NR6A1: variants seen among roughly 807,000 people sequenced by gnomAD.
NR6A1 encodes the protein retinoic acid receptor-related testis-associated receptor.
In NR6A1, 7 loss-of-function variants were observed where a neutral mutation model predicts 59.1. The observed-to-expected ratio is 0.12, with a 90% CI of 0.07 to 0.22. NR6A1 has a LOEUF of 0.22. Ranked by LOEUF, NR6A1 falls within the 10% of genes least tolerant of loss-of-function variation. The pLI, the probability that NR6A1 is intolerant of heterozygous loss-of-function variation, is 1.00. For missense variants in NR6A1, 468 were observed against 611.6 expected (o/e 0.77, Z 2.48); for synonymous variants, 243 against 236.1 (o/e 1.03, Z -0.27).
rs571174941 is a variant in NR6A1, at chr9:124,734,931, G to A, written c.101-1582C>T. Among the ~76,000 whole-genome samples the A allele has an allele frequency of 3.3e-5, 5 of 152,170 alleles. No individual in the cohort carries two copies. The East Asian group carries it at 7.8e-4, about 24-fold the overall frequency. On this transcript the variant is annotated intron_variant, in intron 1 of 9. Coordinates refer to ENST00000487099, the MANE Select transcript of NR6A1 (RefSeq NM_033334.4). The stretch of plus-strand genomic sequence containing the variant: ...AATCTCAGCTCACTGCAACCTCCGC[G>A]CCTCCTGGTTTCAAGCGATTCTCCT...
chr9:124,521,153 T>C lies in NR6A1; in HGVS notation c.*1552A>G, dbSNP rs1832793779. On this transcript the variant is annotated 3_prime_UTR_variant, in exon 10 of 10. Transcript: ENST00000487099. ...CAACTAAGTGGTCTGCTTGCCACAC[T>C]GGCTGTGAAAGATACCTGGGTGTAG... The C allele has an allele frequency of 6.6e-6, 1 of 152,274 alleles. No individual in the cohort carries two copies. Among genetic ancestry groups the C allele is most frequent in the African/African-American group, 2.4e-5 (1 of 41,452 alleles). 9.4% of individuals were successfully genotyped at this position (152,274 alleles called of 1,614,324 possible).
At position 124,630,670 on chromosome 9, in the gene NR6A1, C is replaced by CTTTTTTTTT. The variant is rs71372980; in HGVS notation, c.143-76109_143-76101dup. 2.2e-3 allele frequency among the ~76,000 whole-genome samples: 130 copies of CTTTTTTTTT among 59,522 alleles called. 10 individuals carry two copies. Among genetic ancestry groups the CTTTTTTTTT allele is most frequent in the African/African-American group, 8.1e-3 (112 of 13,868 alleles). The allele number at this position is 59,522 out of a possible 152,430, so 39.0% of individuals were successfully genotyped here. A position where few individuals can be genotyped will look rare whatever the true frequency, so the allele number is the denominator to read the frequency against. ...GACCCCTGGGCAAGTTACTACATTT[C>CTTTTTTTTT]TTTTTTTTTTTTTTTTTTTTTTTTT... On this transcript the variant is annotated intron_variant, in intron 2 of 9. Transcript: ENST00000487099.
At chr9:124,629,028 A>C (rs1009346269) in intron 2 of NR6A1, among the ~76,000 whole-genome samples, 1 of 152,226 alleles carries the variant, frequency 6.6e-6, no homozygotes, top group Admixed American at 6.5e-5. Flanking sequence ...TGACACGTCA[A>C]GCCAAAGACA....
At position 124,536,631 on chromosome 9, in the gene NR6A1, C is replaced by G. The variant is rs549294851; in HGVS notation, c.825-499G>C. 1.2e-3 allele frequency among the ~76,000 whole-genome samples: 175 copies of G among 150,582 alleles called. 1 individual carries two copies. Among genetic ancestry groups the G allele is most frequent in the African/African-American group, 3.9e-3 (159 of 40,842 alleles). On this transcript the variant is annotated intron_variant, in intron 6 of 9. Transcript: ENST00000487099. ...AGTGAGCTGAGATTGCGCTAATGCA[C>G]TTCAGCCTGGGTGACAGAGCAAGAC...
intron 2 of NR6A1, among the ~76,000 whole-genome samples, chr9:124,616,018 C>T (rs1315730675): frequency 6.6e-6 from 1 of 151,982 alleles, no homozygotes; most frequent in Non-Finnish European, 1.5e-5. Flanking sequence ...AGTCACCACG[C>T]CCAGCTCATT....
intron 4 of NR6A1, among the ~76,000 whole-genome samples, chr9:124,541,059 A>G (rs998340689): frequency 6.6e-6 from 1 of 152,212 alleles, no homozygotes. Context: ...AATCTTCATA[A>G]AACTGGTCTT....
intron 2 of NR6A1, among the ~76,000 whole-genome samples, chr9:124,617,929 T>C (rs980510047): frequency 6.6e-6 from 1 of 152,186 alleles, no homozygotes; most frequent in African/African-American, 2.4e-5. Context: ...TAAACAGGTA[T>C]ATATACTGGC....
intron 2 of NR6A1, among the ~76,000 whole-genome samples, chr9:124,596,454 T>G (rs1299755373): frequency 6.6e-6 from 1 of 152,222 alleles, no homozygotes; most frequent in East Asian, 1.9e-4. Context: ...TTCATTTCCA[T>G]GCTCTGGTTA....
At chr9:124,523,422 T>C (rs1222489172) in intron 9 of NR6A1, among the ~76,000 whole-genome samples, 1 of 152,194 alleles carries the variant, frequency 6.6e-6, no homozygotes, top group Non-Finnish European at 1.5e-5. Flanking sequence ...ACAGTACCTC[T>C]GAGTGACCTG....
intron 2 of NR6A1, among the ~76,000 whole-genome samples, chr9:124,685,261 A>C (rs574989862): frequency 6.6e-6 from 1 of 152,324 alleles, no homozygotes; most frequent in African/African-American, 2.4e-5. Flanking sequence ...TGATTTACTA[A>C]GTCTGGGATG....
chr9:124,642,073 A>T (rs1836782265), intron 2 of NR6A1, among the ~76,000 whole-genome samples: 1 of 151,832 alleles, frequency 6.6e-6, no homozygotes. Context: ...TGAGACAGTC[A>T]AGTCTTGCTC....
intron 2 of NR6A1, among the ~76,000 whole-genome samples, chr9:124,601,754 G>A (rs898127717): frequency 5.9e-5 from 9 of 151,610 alleles, no homozygotes; most frequent in African/African-American, 2.2e-4. Flanking sequence ...TTTGAGCTCA[G>A]GAGTTCAAGG....
intron 2 of NR6A1, among the ~76,000 whole-genome samples, chr9:124,666,397 A>G (rs1588760972): frequency 6.7e-6 from 1 of 149,146 alleles, no homozygotes; most frequent in South Asian, 2.1e-4. Flanking sequence ...TCCTGCCTCA[A>G]CCTCCCAAGT....
At chr9:124,697,829 T>C (rs1838817680) in intron 2 of NR6A1, among the ~76,000 whole-genome samples, 1 of 152,220 alleles carries the variant, frequency 6.6e-6, no homozygotes. Context: ...TATATGAACT[T>C]GAGCAAATTA....
intron 2 of NR6A1, among the ~76,000 whole-genome samples, chr9:124,724,886 C>T (rs868265870): frequency 6.6e-6 from 1 of 152,202 alleles, no homozygotes; most frequent in Non-Finnish European, 1.5e-5. Context: ...AAGCTGACAG[C>T]CTTTATTGGG....
chr9:124,641,877 G>T (rs555077017), intron 2 of NR6A1, among the ~76,000 whole-genome samples: 1 of 152,294 alleles, frequency 6.6e-6, no homozygotes, highest in South Asian at 2.1e-4. Flanking sequence ...GGGTTAAATG[G>T]AGAGACAAGA....
chr9:124,673,586 C>T (rs1360511763), intron 2 of NR6A1, among the ~76,000 whole-genome samples: 1 of 151,944 alleles, frequency 6.6e-6, no homozygotes, highest in African/African-American at 2.4e-5. Flanking sequence ...AAAAATGCCC[C>T]ACTATGACTT....
rs753632841 is a variant in NR6A1, at chr9:124,536,017, T to C, written c.940A>G (p.Lys314Glu). Residue 314 changes from lysine to glutamate, a missense_variant, in exon 7 of 10, where the codon AAG (lysine) becomes GAG (glutamate). Physicochemically the swap from Lys to Glu is moderately conservative, Grantham distance 56. Coordinates refer to ENST00000487099, the MANE Select transcript of NR6A1 (RefSeq NM_033334.4). The stretch of plus-strand genomic sequence containing the variant: ...GAGCTCAAGAGGCACGTGTAATCCT[T>C]GATTGAGAGCTCGCAGAAGAAAGGC... ...KLPFFCELSI[K>E]DYTCLLSSTW... The C allele has an allele frequency of 6.2e-7, 1 of 1,614,102 alleles. No homozygotes were observed.
chr9:124,621,293 G>A (rs1395585399), intron 2 of NR6A1, among the ~76,000 whole-genome samples: 1 of 152,132 alleles, frequency 6.6e-6, no homozygotes, highest in Non-Finnish European at 1.5e-5. Context: ...TAGATTCCCT[G>A]ACACAAGAAG....
Sources: allele counts gnomAD v4.1 joint callset (sites outside exome capture counted in the v4.1 genomes callset), GRCh38; gene constraint gnomAD v4.1.1; transcripts MANE v1.5; gene names NCBI Gene and HGNC (gene_info 2026-07-23, HGNC 2026-07-21).